PCDHGA2: variants seen among roughly 807,000 people sequenced by gnomAD.
The protein encoded by PCDHGA2 is protocadherin gamma subfamily A, 2, also known as protocadherin gamma-A2.
PCDHGA2 carries 40 observed loss-of-function variants against 59.2 expected under a neutral mutation model. That is an observed-to-expected ratio of 0.68 (90% CI 0.52 to 0.88). The LOEUF (loss-of-function observed/expected upper bound fraction) is 0.88. Ranked by LOEUF, PCDHGA2 falls within the 40% of genes least tolerant of loss-of-function variation. PCDHGA2 has a pLI of 0.00. For missense variants in PCDHGA2, 1,226 were observed against 1,204.0 expected, an observed-to-expected ratio of 1.02 and a Z score of -0.27; for synonymous variants, 560 against 526.0, an observed-to-expected ratio of 1.06 and a Z score of -0.89.
intron 1 of PCDHGA2, among the ~76,000 whole-genome samples, chr5:141,439,431 G>A (rs2154558488): frequency 6.6e-6 from 1 of 152,298 alleles, no homozygotes; most frequent in Non-Finnish European, 1.5e-5. Flanking sequence ...AAATTCCCAG[G>A]AATATTTTAT....
chr5:141,391,331 G>A (rs75432065), intron 1 of PCDHGA2: 5 of 95,914 alleles, frequency 5.2e-5, no homozygotes, highest in Non-Finnish European at 6.3e-5. Context: ...TTTTTTTTTT[G>A]AGACAGAGTC....
rs2095194600 is a variant in PCDHGA2 at position 141,408,919 on chromosome 5, C to T, written c.2424+67524C>T. On this transcript the variant is annotated intron_variant, in intron 1 of 3. Transcript: ENST00000394576. The stretch of plus-strand genomic sequence containing the variant: ...CTGTCAAGGATACCAATGATAACCC[C>T]CCGGTTTTCAGCAGAGACGAATATA... 2.5e-6 allele frequency: 4 copies of T among 1,613,346 alleles called. No individual in the cohort carries two copies. The African/African-American group carries it at 4.0e-5, about 16-fold the overall frequency.
chr5:141,374,760 C>A, intron 1 of PCDHGA2: 1 of 1,613,440 alleles, frequency 6.2e-7, no homozygotes, highest in Non-Finnish European at 8.5e-7. Flanking sequence ...TCAAGCGTCG[C>A]CCAAATTCTG....
chr5:141,405,407 C>G, intron 1 of PCDHGA2: 2 of 1,582,052 alleles, frequency 1.3e-6, no homozygotes, highest in Non-Finnish European at 1.7e-6. Flanking sequence ...TCTTTCTTTT[C>G]TTTTTTTGTT....
chr5:141,364,405 G>T, intron 1 of PCDHGA2: 1 of 1,609,906 alleles, frequency 6.2e-7, no homozygotes, highest in Non-Finnish European at 8.5e-7. Flanking sequence ...CGCTGTGCGA[G>T]CCAGGATCCG....
intron 1 of PCDHGA2, chr5:141,371,904 T>C: frequency 2.5e-6 from 4 of 1,613,398 alleles, no homozygotes; most frequent in Non-Finnish European, 3.4e-6. Flanking sequence ...GCTGTCGTCC[T>C]ACGTGTCCGT....
intron 1 of PCDHGA2, chr5:141,344,132 C>A (rs1216708631): frequency 1.9e-6 from 3 of 1,613,918 alleles, no homozygotes; most frequent in Non-Finnish European, 2.5e-6. Flanking sequence ...AGATCCGCTA[C>A]TCGGTGTCTG....
At chr5:141,400,168 C>T (rs1042097050) in intron 1 of PCDHGA2, 5 of 1,614,088 alleles carry the variant, frequency 3.1e-6, no homozygotes, top group Non-Finnish European at 4.2e-6. Flanking sequence ...CTCTGACCCC[C>T]AGGCTGAGCT....
intron 1 of PCDHGA2, chr5:141,357,623 T>A (rs1394776476): frequency 6.2e-7 from 1 of 1,613,680 alleles, no homozygotes; most frequent in Admixed American, 1.7e-5. Context: ...AATCTTCAGG[T>A]GAGTCAATCT....
chr5:141,408,060 T>G (rs2095034623), intron 1 of PCDHGA2: 1 of 1,324,738 alleles, frequency 7.5e-7, no homozygotes, highest in Admixed American at 2.9e-5. Flanking sequence ...GCCTCCCGGC[T>G]GCGCAGACCT....
intron 1 of PCDHGA2, chr5:141,356,784 G>A: frequency 6.2e-7 from 1 of 1,613,948 alleles, no homozygotes; most frequent in East Asian, 2.2e-5. Flanking sequence ...TTAGAGACCT[G>A]CAGCTGCTGA....
rs375665864 is a variant in PCDHGA2, at chr5:141,469,524, A to G, written c.2425-25283A>G. Among the ~76,000 whole-genome samples the G allele has an allele frequency of 2.4e-4, 36 of 152,260 alleles. No homozygotes were observed. The East Asian group carries it at 3.1e-3, about 13-fold the overall frequency. On this transcript the variant is annotated intron_variant, in intron 1 of 3. Coordinates refer to ENST00000394576, the MANE Select transcript of PCDHGA2 (RefSeq NM_018915.4). ...CGGGAGGTGGAGGTTGCAGTGAGCCAAGATTGTGCCACTGCACTCCAGCCT... is the reference window on the plus strand; with the variant it reads ...CGGGAGGTGGAGGTTGCAGTGAGCCGAGATTGTGCCACTGCACTCCAGCCT...
intron 1 of PCDHGA2, chr5:141,404,736 A>T: frequency 6.2e-7 from 1 of 1,613,622 alleles, no homozygotes. Context: ...GTGGCAGTGG[A>T]CAGAGACTCA....
At chr5:141,397,183 T>C (rs1319444729) in intron 1 of PCDHGA2, among the ~76,000 whole-genome samples, 2 of 152,190 alleles carry the variant, frequency 1.3e-5, no homozygotes, top group East Asian at 3.8e-4. Flanking sequence ...AATGAATTTA[T>C]GTACTGTAAA....
intron 1 of PCDHGA2, chr5:141,352,492 G>T (rs1188371318): frequency 6.2e-7 from 1 of 1,614,004 alleles, no homozygotes; most frequent in Non-Finnish European, 8.5e-7. Flanking sequence ...AGGGGACTTT[G>T]CCCTATTCCT....
At chr5:141,422,480 G>A in intron 1 of PCDHGA2, 2 of 1,613,906 alleles carry the variant, frequency 1.2e-6, no homozygotes, top group South Asian at 2.2e-5. Flanking sequence ...TTGGTCCAGA[G>A]CTACAATATA....
rs1264017483 is a variant in PCDHGA2 at position 141,477,989 on chromosome 5, A to G, written c.2425-16818A>G. The G allele has an allele frequency of 5.6e-6, 9 of 1,614,086 alleles. No individual in the cohort carries two copies. The highest frequency in any genetic ancestry group is 1.6e-4 in the Middle Eastern group (1 of 6,062). On this transcript the variant is annotated intron_variant, in intron 1 of 3. Coordinates refer to ENST00000394576, the MANE Select transcript of PCDHGA2 (RefSeq NM_018915.4). The surrounding 1 kb of genome is among the most constrained non-coding windows in gnomAD (Gnocchi z 4.9). ...GAGCCTTTTTGCCATAGGGCTGCACACTGGTCAAATCAGTACTGCCCGTCC... is the reference window on the plus strand; with the variant it reads ...GAGCCTTTTTGCCATAGGGCTGCACGCTGGTCAAATCAGTACTGCCCGTCC...
intron 1 of PCDHGA2, chr5:141,409,618 G>C: frequency 6.2e-7 from 1 of 1,613,894 alleles, no homozygotes; most frequent in Non-Finnish European, 8.5e-7. Context: ...CCTCCATTGC[G>C]CAAGTGAGCG....
At chr5:141,413,344 G>A in intron 1 of PCDHGA2, 1 of 1,613,986 alleles carries the variant, frequency 6.2e-7, no homozygotes. Context: ...CAAGGACTTG[G>A]GTCTGGCGCC....
Sources: gnomAD v4.1 joint callset for allele counts (sites outside exome capture counted in the v4.1 genomes callset) on GRCh38, gnomAD v4.1.1 for gene constraint, Gnocchi (gnomAD v3.1) non-coding constraint, MANE v1.5 for transcripts, NCBI Gene and HGNC (gene_info 2026-07-23, HGNC 2026-07-21) for gene names.